Variants in AKAP8 observed in about 807,000 individuals in gnomAD.
The protein encoded by AKAP8 is A-kinase anchoring protein 8, also known as A-kinase anchor protein 8.
A neutral mutation model predicts 67.5 loss-of-function variants in AKAP8; 24 were observed. The ratio of observed to expected loss-of-function variants is 0.36; its 90% CI spans 0.26 to 0.50. The LOEUF is 0.50. Among genes scored for constraint, AKAP8 ranks in the 20% least tolerant of loss-of-function variants. AKAP8 has a pLI of 0.97. For missense variants in AKAP8, 971 were observed against 955.9 expected (o/e 1.02, Z -0.21); for synonymous variants, 400 against 371.1 (o/e 1.08, Z -0.90).
intron 12 of AKAP8, among the ~76,000 whole-genome samples, chr19:15,359,274 G>C: frequency 6.6e-6 from 1 of 152,218 alleles, no homozygotes; most frequent in East Asian, 1.9e-4. Flanking sequence ...TAAATGCAAA[G>C]ATGCACCACT....
At chr19:15,378,046 C>T (rs931825870) in intron 1 of AKAP8, among the ~76,000 whole-genome samples, 1 of 152,204 alleles carries the variant, frequency 6.6e-6, no homozygotes, top group Non-Finnish European at 1.5e-5. Flanking sequence ...CTCACCAGAA[C>T]AACTCCCCCG....
rs1599552948 is a variant in AKAP8, at chr19:15,354,700, A to G, written c.*215T>C. ...GAGACATGTTACAGCCGCTAAGGACAATGTACTTCAGCTTTGAAACCTGGG... is the reference window on the plus strand; with the variant it reads ...GAGACATGTTACAGCCGCTAAGGACGATGTACTTCAGCTTTGAAACCTGGG... On this transcript the variant is annotated 3_prime_UTR_variant, in exon 14 of 14. Coordinates refer to ENST00000269701, the MANE Select transcript of AKAP8 (RefSeq NM_005858.4). 1.7e-6 allele frequency: 1 copy of G among 597,586 alleles called. No individual in the cohort carries two copies. Among genetic ancestry groups the G allele is most frequent in the East Asian group, 2.8e-5 (1 of 35,916 alleles). The allele number at this position is 597,586 out of a possible 1,614,324, so 37.0% of individuals were successfully genotyped here. A position where few individuals can be genotyped will look rare whatever the true frequency, so the allele number is the denominator to read the frequency against.
chr19:15,378,965 A>C (rs1283883111), intron 1 of AKAP8: 1 of 153,586 alleles, frequency 6.5e-6, no homozygotes, highest in East Asian at 1.9e-4. Context: ...TGCCAATGTC[A>C]CCAGCCCCAG....
chr19:15,379,610 C>A, intron 1 of AKAP8, 103 bp downstream of exon 1: 1 of 1,409,440 alleles, frequency 7.1e-7, no homozygotes, highest in Non-Finnish European at 9.5e-7. Flanking sequence ...GCTGGGGCAA[C>A]CACGCTCGGG....
chr19:15,369,464 A>G lies in AKAP8; in HGVS notation c.1072+682T>C, dbSNP rs1286507485. The stretch of plus-strand genomic sequence containing the variant: ...CTACGGAAAGACCCACAGGACAGGT[A>G]AAGAAACGAGTGGCTTCAGGGTGAG... On this transcript the variant is annotated intron_variant, in intron 8 of 13. Coordinates refer to ENST00000269701, the MANE Select transcript of AKAP8 (RefSeq NM_005858.4). The surrounding 1 kb of genome is among the most constrained non-coding windows in gnomAD (Gnocchi z 4.6). Among the ~76,000 whole-genome samples, 1 of 152,230 alleles carries G rather than the reference A, an allele frequency of 6.6e-6. No individual in the cohort carries two copies. The highest frequency in any genetic ancestry group is 1.5e-5 in the Non-Finnish European group (1 of 68,032).
intron 2 of AKAP8, among the ~76,000 whole-genome samples, chr19:15,376,042 A>C (rs1205844884): frequency 1.3e-5 from 2 of 150,860 alleles, no homozygotes; most frequent in South Asian, 4.2e-4. Flanking sequence ...CAATCTTCCT[A>C]TCTCAGCCTT....
chr19:15,356,894 G>A (rs1966891695), intron 13 of AKAP8, among the ~76,000 whole-genome samples: 1 of 152,042 alleles, frequency 6.6e-6, no homozygotes, highest in Non-Finnish European at 1.5e-5. Flanking sequence ...ACTTTGGGAG[G>A]CGGAAGCAGG....
At chr19:15,375,441 C>T (rs1016175867) in intron 2 of AKAP8, among the ~76,000 whole-genome samples, 13 of 152,106 alleles carry the variant, frequency 8.5e-5, no homozygotes, top group African/African-American at 3.1e-4. Context: ...ATGAATTTTA[C>T]GTTTTTAAAT....
At chr19:15,377,748 G>GT (rs1488827324) in intron 1 of AKAP8, among the ~76,000 whole-genome samples, 3 of 152,100 alleles carry the variant, frequency 2.0e-5, no homozygotes, top group Non-Finnish European at 4.4e-5. Flanking sequence ...GATTACAGGC[G>GT]TGAGTCACCG....
At chr19:15,378,027 C>T (rs1394949870) in intron 1 of AKAP8, among the ~76,000 whole-genome samples, 1 of 152,188 alleles carries the variant, frequency 6.6e-6, no homozygotes, top group Non-Finnish European at 1.5e-5. Flanking sequence ...GGAACATATC[C>T]ATGTCTCCCT....
At chr19:15,355,560 A>C (rs2048272854) in intron 13 of AKAP8, among the ~76,000 whole-genome samples, 190 bp from the exon 14 acceptor site, 1 of 97,670 alleles carries the variant, frequency 1.0e-5, no homozygotes, top group Admixed American at 1.2e-4. Flanking sequence ...GATATTCTGC[A>C]ATTTTTTTTT....
intron 7 of AKAP8, among the ~76,000 whole-genome samples, chr19:15,371,127 G>A (rs942994610): frequency 3.9e-5 from 6 of 152,282 alleles, no homozygotes; most frequent in Non-Finnish European, 5.9e-5. Flanking sequence ...ACCATCTCCT[G>A]CCTGTTCCCT....
chr19:15,354,273 G>A lies in AKAP8; in HGVS notation c.*642C>T, dbSNP rs2048262595. Reference sequence around the variant, plus strand: ...GAGAACTGATTCAGCAAGGACTAAAGATTGGGACGCAATGCCCTCTGCACA... The same window carrying A: ...GAGAACTGATTCAGCAAGGACTAAAAATTGGGACGCAATGCCCTCTGCACA... On this transcript the variant is annotated 3_prime_UTR_variant, in exon 14 of 14. Coordinates refer to ENST00000269701, the MANE Select transcript of AKAP8 (RefSeq NM_005858.4). 1 of 152,262 alleles carries A rather than the reference G, an allele frequency of 6.6e-6. No individual in the cohort carries two copies. Among genetic ancestry groups the A allele is most frequent in the East Asian group, 1.9e-4 (1 of 5,196 alleles). 9.4% of individuals were successfully genotyped at this position (152,262 alleles called of 1,614,324 possible).
chr19:15,368,484 T>C, intron 8 of AKAP8, 162 bp from the exon 9 acceptor site: 1 of 985,258 alleles, frequency 1.0e-6, no homozygotes, highest in Non-Finnish European at 1.2e-6. Context: ...TGTCAGAGAC[T>C]CCTGGTGGAC....
chr19:15,354,794 TCAC>T lies in AKAP8; in HGVS notation c.*118_*120del. On this transcript the variant is annotated 3_prime_UTR_variant, in exon 14 of 14. Transcript: ENST00000269701. Reference sequence around the variant, plus strand: ...GCTCAGGAGGAAACGCTGGGTCTCTTCACCAAAATTAGATTACAGCATATTCTG... The same window carrying T: ...GCTCAGGAGGAAACGCTGGGTCTCTTCAAAATTAGATTACAGCATATTCTG... The T allele has an allele frequency of 2.5e-6, 3 of 1,220,452 alleles. No homozygotes were observed. The highest frequency in any genetic ancestry group is 3.4e-6 in the Non-Finnish European group (3 of 876,858). 75.6% of individuals were successfully genotyped at this position (1,220,452 alleles called of 1,614,324 possible). A position where few individuals can be genotyped will look rare whatever the true frequency, so the allele number is the denominator to read the frequency against.
At chr19:15,375,615 A>G (rs888573430) in intron 2 of AKAP8, among the ~76,000 whole-genome samples, 2 of 150,188 alleles carry the variant, frequency 1.3e-5, no homozygotes, top group African/African-American at 4.9e-5. Flanking sequence ...TAACAAATGC[A>G]TCACACCAAT....
chr19:15,379,682 C>T (rs1967339604), intron 1 of AKAP8, 31 bp downstream of exon 1: 2 of 1,604,352 alleles, frequency 1.2e-6, no homozygotes, highest in Non-Finnish European at 1.7e-6. Context: ...AGCCTTCCCT[C>T]CCCGCTCCGC....
intron 9 of AKAP8, 108 bp downstream of exon 9, chr19:15,368,127 G>A: frequency 6.9e-7 from 1 of 1,454,668 alleles, no homozygotes; most frequent in Non-Finnish European, 9.4e-7. Flanking sequence ...GGCCAGAGGA[G>A]TCAGGCCACC....
At chr19:15,378,586 C>G (rs375898917) in intron 1 of AKAP8, among the ~76,000 whole-genome samples, 214 of 152,302 alleles carry the variant, frequency 1.4e-3, no homozygotes, top group African/African-American at 5.0e-3. Flanking sequence ...CGCTAGGACC[C>G]GGAAGACACC....
Sources: gnomAD v4.1 joint callset for allele counts (sites outside exome capture counted in the v4.1 genomes callset) on GRCh38, gnomAD v4.1.1 for gene constraint, Gnocchi (gnomAD v3.1) non-coding constraint, MANE v1.5 for transcripts, NCBI Gene and HGNC (gene_info 2026-07-23, HGNC 2026-07-21) for gene names.